Variants in CCDC91 observed in about 807,000 individuals in gnomAD.
CCDC91 encodes the protein coiled-coil domain containing 91.
Under a neutral mutation model 63.2 loss-of-function variants are expected in CCDC91, and 48 were observed. The observed-to-expected ratio is 0.76, with a 90% CI of 0.60 to 0.97. The LOEUF (loss-of-function observed/expected upper bound fraction) is 0.97. Among genes scored for constraint, CCDC91 ranks in the 50% least tolerant of loss-of-function variants. The pLI is 0.00. For missense variants in CCDC91, 500 were observed against 494.6 expected (o/e 1.01, Z -0.10); for synonymous variants, 167 against 165.8 (o/e 1.01, Z -0.06).
chr12:28,200,795 C>T (rs1942180175), intron 1 of CCDC91, among the ~76,000 whole-genome samples: 1 of 151,802 alleles, frequency 6.6e-6, no homozygotes, highest in South Asian at 2.1e-4. Context: ...TTGGGTACAC[C>T]TCCCAGACGG....
At position 28,439,970 on chromosome 12, in the gene CCDC91, TA is replaced by T. The variant is rs200613015; in HGVS notation, c.763-10178del. 7.4e-3 allele frequency among the ~76,000 whole-genome samples: 1,016 copies of T among 138,146 alleles called. 8 individuals carry two copies. The highest frequency in any genetic ancestry group is 0.03 in the Admixed American group (421 of 13,806). The allele number at this position is 138,146 out of a possible 152,430, so 90.6% of individuals were successfully genotyped here. ...GTTTGCATTTATTTCTTCAATTTGC[TA>T]AAAAAAAAAAAAGTCTACTAAAATT... On this transcript the variant is annotated intron_variant, in intron 8 of 12. Coordinates refer to ENST00000536442, the MANE Select transcript of CCDC91 (RefSeq NM_018318.5).
In CCDC91 at chr12:28,267,830, TATA is replaced by T. The variant is rs1266886201; in HGVS notation, c.109+8391_109+8393del. On this transcript the variant is annotated intron_variant, in intron 3 of 12. Transcript: ENST00000536442. ...GTAATATATAATTATATTATTAATA[TATA>T]ATTATATATAATTATATAGTAATAT... Among the ~76,000 whole-genome samples, 36 of 17,782 alleles carry T rather than the reference TATA, an allele frequency of 2.0e-3. 4 individuals are homozygous for T. Among genetic ancestry groups the T allele is most frequent in the African/African-American group, 4.8e-3 (33 of 6,860 alleles). 11.7% of individuals were successfully genotyped at this position (17,782 alleles called of 152,430 possible). A position where few individuals can be genotyped will look rare whatever the true frequency, so the allele number is the denominator to read the frequency against.
intron 3 of CCDC91, chr12:28,304,680 A>C: frequency 7.8e-7 from 1 of 1,275,922 alleles, no homozygotes; most frequent in Non-Finnish European, 1.0e-6. Flanking sequence ...GTAGAACTTC[A>C]CTGAAGTTGC....
At chr12:28,487,313 C>G (rs1951776405) in intron 12 of CCDC91, among the ~76,000 whole-genome samples, 1 of 151,722 alleles carries the variant, frequency 6.6e-6, no homozygotes, top group South Asian at 2.1e-4. Context: ...TGAAATGGAA[C>G]TAATTACTAA....
intron 8 of CCDC91, among the ~76,000 whole-genome samples, chr12:28,392,394 C>G (rs200887033): frequency 1.3e-5 from 2 of 152,158 alleles, no homozygotes; most frequent in South Asian, 2.1e-4. Context: ...GGGGCCCTGT[C>G]TCATGTTGTC....
At chr12:28,298,032 A>C (rs769340580) in intron 3 of CCDC91, among the ~76,000 whole-genome samples, 4 of 151,820 alleles carry the variant, frequency 2.6e-5, no homozygotes, top group Non-Finnish European at 5.9e-5. Flanking sequence ...GAATTGTAGC[A>C]TAGCAAAAAC....
chr12:28,375,499 A>G (rs1302384711), intron 7 of CCDC91, among the ~76,000 whole-genome samples: 1 of 151,940 alleles, frequency 6.6e-6, no homozygotes, highest in Non-Finnish European at 1.5e-5. Context: ...GAAAATAAAT[A>G]GATTGCTACA....
chr12:28,537,348 A>G (rs1378756433), intron 12 of CCDC91, among the ~76,000 whole-genome samples: 3 of 152,156 alleles, frequency 2.0e-5, no homozygotes, highest in Admixed American at 6.6e-5. Context: ...CTCTTAAGCT[A>G]TTATAGGAAA....
chr12:28,423,397 C>T (rs370302938), intron 8 of CCDC91, among the ~76,000 whole-genome samples: 20 of 151,998 alleles, frequency 1.3e-4, no homozygotes, highest in South Asian at 8.3e-4. Flanking sequence ...ATGAAATATA[C>T]GGGGGACAAA....
chr12:28,484,315 G>A, intron 12 of CCDC91, 150 bp downstream of exon 12: 1 of 438,060 alleles, frequency 2.3e-6, no homozygotes, highest in South Asian at 3.3e-5. Flanking sequence ...ATATAATTAT[G>A]TATTCTGATA....
At chr12:28,340,898 T>C (rs73083975) in intron 6 of CCDC91, among the ~76,000 whole-genome samples, 1,938 of 152,284 alleles carry the variant, frequency 0.013, 11 homozygotes, top group Middle Eastern at 0.017. Flanking sequence ...ACTGGAAGAA[T>C]TGGATCCCAT....
chr12:28,434,199 A>G (rs1295504236), intron 8 of CCDC91, among the ~76,000 whole-genome samples: 2 of 151,762 alleles, frequency 1.3e-5, no homozygotes, highest in Non-Finnish European at 3.0e-5. Context: ...TATTGGTCTT[A>G]ACAGGAAAGC....
chr12:28,442,218 G>T (rs1949263058), intron 8 of CCDC91, among the ~76,000 whole-genome samples: 1 of 152,120 alleles, frequency 6.6e-6, no homozygotes, highest in South Asian at 2.1e-4. Context: ...AGGATGCGTT[G>T]TCATTCTCTA....
At chr12:28,377,447 T>C (rs1464280474) in intron 7 of CCDC91, among the ~76,000 whole-genome samples, 1 of 151,872 alleles carries the variant, frequency 6.6e-6, no homozygotes, top group East Asian at 1.9e-4. Context: ...AAAGAAAATG[T>C]AGTTTGTTTT....
chr12:28,518,945 C>A (rs1340194286), intron 12 of CCDC91, among the ~76,000 whole-genome samples: 1 of 151,758 alleles, frequency 6.6e-6, no homozygotes. Flanking sequence ...TTTGCTTTGT[C>A]GAAGATCAGT....
At chr12:28,520,301 T>G (rs1338787862) in intron 12 of CCDC91, among the ~76,000 whole-genome samples, 1 of 152,204 alleles carries the variant, frequency 6.6e-6, no homozygotes, top group Non-Finnish European at 1.5e-5. Context: ...TGGTTTTGAT[T>G]TGCATTTTTC....
intron 6 of CCDC91, among the ~76,000 whole-genome samples, chr12:28,333,215 GA>G (rs59610452): frequency 0.017 from 2,529 of 151,818 alleles, 71 homozygotes; most frequent in African/African-American, 0.058. Flanking sequence ...CTAACATGGT[GA>G]AACCCTGTCT....
At chr12:28,314,215 A>C (rs1472059636) in intron 6 of CCDC91, among the ~76,000 whole-genome samples, 1 of 152,008 alleles carries the variant, frequency 6.6e-6, no homozygotes, top group Non-Finnish European at 1.5e-5. Context: ...TGTTTTATGA[A>C]AATAAAGTGT....
At chr12:28,295,200 A>G (rs1405781777) in intron 3 of CCDC91, among the ~76,000 whole-genome samples, 10 of 152,158 alleles carry the variant, frequency 6.6e-5, no homozygotes, top group African/African-American at 9.7e-5. Context: ...AATTTGTCCT[A>G]TTTTAAATGA....
Sources: allele counts gnomAD v4.1 joint callset (sites outside exome capture counted in the v4.1 genomes callset), GRCh38; gene constraint gnomAD v4.1.1; transcripts MANE v1.5; gene names NCBI Gene and HGNC (gene_info 2026-07-23, HGNC 2026-07-21).